Variants in GNA12 observed in about 807,000 individuals in gnomAD.
GNA12 encodes guanine nucleotide-binding protein subunit alpha-12.
A neutral mutation model predicts 26.0 loss-of-function variants in GNA12; 9 were observed. That is an observed-to-expected ratio of 0.35 (90% confidence interval 0.21 to 0.60). The LOEUF is 0.60. Among genes scored for constraint, GNA12 ranks in the 20% least tolerant of loss-of-function variants. GNA12 has a pLI of 0.78. For synonymous variants in GNA12, 264 were observed against 219.6 expected, an observed-to-expected ratio of 1.20 and a Z score of -1.79; for missense variants, 405 against 525.8, an observed-to-expected ratio of 0.77 and a Z score of 2.25.
intron 2 of GNA12, among the ~76,000 whole-genome samples, chr7:2,744,220 T>C (rs1790653616): frequency 6.6e-6 from 1 of 152,220 alleles, no homozygotes; most frequent in Non-Finnish European, 1.5e-5. Context: ...GCAGACTGCC[T>C]CCTCAAGTGG....
At chr7:2,818,805 C>A (rs1009009404) in intron 1 of GNA12, among the ~76,000 whole-genome samples, 1 of 149,998 alleles carries the variant, frequency 6.7e-6, no homozygotes, top group African/African-American at 2.4e-5. Flanking sequence ...GGGAGGGAGG[C>A]GACTCAAAGT....
At chr7:2,754,404 A>G (rs1791190562) in intron 2 of GNA12, among the ~76,000 whole-genome samples, 1 of 152,116 alleles carries the variant, frequency 6.6e-6, no homozygotes, top group South Asian at 2.1e-4. Flanking sequence ...TGTAGTCAGC[A>G]AATACTTTTC....
chr7:2,770,456 T>C (rs983225986), intron 2 of GNA12, among the ~76,000 whole-genome samples: 7 of 152,064 alleles, frequency 4.6e-5, no homozygotes, highest in African/African-American at 1.7e-4. Flanking sequence ...GGAGTTGGCA[T>C]TAGATTAAGT....
chr7:2,734,303 G>C (rs1790048946), intron 2 of GNA12, among the ~76,000 whole-genome samples: 1 of 152,174 alleles, frequency 6.6e-6, no homozygotes, highest in African/African-American at 2.4e-5. Flanking sequence ...TCCCTTCAAA[G>C]GTAGCGTATT....
rs551469852 is a variant in GNA12 at position 2,767,226 on chromosome 7, A to G, written c.525+27702T>C. 6.6e-5 allele frequency among the ~76,000 whole-genome samples: 10 copies of G among 152,332 alleles called. 1 individual carries two copies. The South Asian group carries it at 2.1e-3, about 32-fold the overall frequency. On this transcript the variant is annotated intron_variant, in intron 2 of 3. Coordinates refer to ENST00000275364, the MANE Select transcript of GNA12 (RefSeq NM_007353.3). ...GTTGATTGTGTCCCTGTACCCACAA[A>G]AATGTTTACATTTGATGTGCTCCCA...
At chr7:2,792,827 G>C (rs909227414) in intron 2 of GNA12, among the ~76,000 whole-genome samples, 4 of 152,324 alleles carry the variant, frequency 2.6e-5, no homozygotes, top group Middle Eastern at 3.4e-3. Flanking sequence ...AGATGCCCTG[G>C]AGGACATTAA....
At chr7:2,821,473 A>G (rs1341846183) in intron 1 of GNA12, among the ~76,000 whole-genome samples, 2 of 152,228 alleles carry the variant, frequency 1.3e-5, no homozygotes, top group Non-Finnish European at 2.9e-5. Flanking sequence ...TGAATACAGA[A>G]CTGCTTTAAT....
chr7:2,783,731 T>C (rs550826722), intron 2 of GNA12, among the ~76,000 whole-genome samples: 4 of 151,564 alleles, frequency 2.6e-5, no homozygotes, highest in African/African-American at 4.8e-5. Context: ...GTCCCCCAGG[T>C]TGGAGTGCAG....
chr7:2,754,367 T>C (rs1199537676), intron 2 of GNA12, among the ~76,000 whole-genome samples: 1 of 152,176 alleles, frequency 6.6e-6, no homozygotes, highest in Non-Finnish European at 1.5e-5. Context: ...AGTTCTGTTT[T>C]CTAGATAATG....
chr7:2,781,000 C>T (rs1287742584), intron 2 of GNA12, among the ~76,000 whole-genome samples: 4 of 152,246 alleles, frequency 2.6e-5, no homozygotes, highest in African/African-American at 7.2e-5. Flanking sequence ...TGTCATCCCA[C>T]ATCCTTGCCA....
intron 1 of GNA12, among the ~76,000 whole-genome samples, chr7:2,798,518 A>G (rs1770978256): frequency 6.6e-6 from 1 of 152,260 alleles, no homozygotes; most frequent in South Asian, 2.1e-4. Flanking sequence ...TTGAGGAAAG[A>G]AATTTTCAAA....
chr7:2,840,847 CTG>C (rs1778969837), intron 1 of GNA12, among the ~76,000 whole-genome samples: 1 of 151,344 alleles, frequency 6.6e-6, no homozygotes, highest in African/African-American at 2.4e-5. Context: ...GAATGAGACT[CTG>C]TCTCAAAAAA....
intron 2 of GNA12, among the ~76,000 whole-genome samples, chr7:2,759,039 C>A (rs1473564380): frequency 6.6e-6 from 1 of 151,892 alleles, no homozygotes; most frequent in Non-Finnish European, 1.5e-5. Flanking sequence ...ACTGGGGAGG[C>A]TGAGGCAGGA....
At chr7:2,775,716 G>T (rs891155438) in intron 2 of GNA12, among the ~76,000 whole-genome samples, 2 of 152,146 alleles carry the variant, frequency 1.3e-5, no homozygotes, top group Non-Finnish European at 2.9e-5. Flanking sequence ...TAAAGCAGAG[G>T]GCCAGGCTCC....
chr7:2,761,293 G>GCCA (rs1412206309), intron 2 of GNA12, among the ~76,000 whole-genome samples: 1 of 152,154 alleles, frequency 6.6e-6, no homozygotes, highest in Admixed American at 6.6e-5. Flanking sequence ...TGAGGTCAAA[G>GCCA]CCACCACCCC....
chr7:2,826,575 G>C (rs1793490003), intron 1 of GNA12, among the ~76,000 whole-genome samples: 1 of 152,146 alleles, frequency 6.6e-6, no homozygotes, highest in African/African-American at 2.4e-5. Flanking sequence ...AACAAAGTGT[G>C]GTATATCCAT....
chr7:2,823,180 G>A (rs1430813159), intron 1 of GNA12, among the ~76,000 whole-genome samples: 1 of 152,212 alleles, frequency 6.6e-6, no homozygotes, highest in Non-Finnish European at 1.5e-5. Flanking sequence ...GCTTCCTGGT[G>A]TAGTCCAGAG....
At chr7:2,752,559 A>G (rs977013084) in intron 2 of GNA12, among the ~76,000 whole-genome samples, 9 of 152,250 alleles carry the variant, frequency 5.9e-5, no homozygotes, top group African/African-American at 1.9e-4. Flanking sequence ...TAAGGAAGCT[A>G]TAAAAAAGCT....
intron 2 of GNA12, among the ~76,000 whole-genome samples, chr7:2,750,485 T>C (rs1194527527): frequency 1.3e-5 from 2 of 152,244 alleles, no homozygotes; most frequent in Admixed American, 1.3e-4. Flanking sequence ...CTATATTGTT[T>C]TTCCCTTTAC....
Sources: allele counts gnomAD v4.1 joint callset (sites outside exome capture counted in the v4.1 genomes callset), GRCh38; gene constraint gnomAD v4.1.1; transcripts MANE v1.5; gene names NCBI Gene and HGNC (gene_info 2026-07-23, HGNC 2026-07-21).